The following ARHGAP22 variants were observed in gnomAD, a reference collection of about 807,000 sequenced individuals.
ARHGAP22 encodes Rho GTPase activating protein 22, also known as rho GTPase-activating protein 22.
In ARHGAP22, 48 loss-of-function variants were observed where a neutral mutation model predicts 59.1. The ratio of observed to expected loss-of-function variants is 0.81; its 90% CI spans 0.64 to 1.03. The LOEUF (loss-of-function observed/expected upper bound fraction) is 1.03, where lower values mean the gene tolerates loss of function less well. Ranked by LOEUF, ARHGAP22 falls within the 50% of genes least tolerant of loss-of-function variation. The pLI, the probability that ARHGAP22 is intolerant of heterozygous loss-of-function variation, is 0.00. For synonymous variants in ARHGAP22, 445 were observed against 416.4 expected (o/e 1.07, Z -0.84); for missense variants, 1,015 against 958.7 (o/e 1.06, Z -0.78).
rs2045763327 is a variant in ARHGAP22 at position 48,450,189 on chromosome 10, C to A, written c.1868+72G>T. On this transcript the variant is annotated intron_variant, in intron 9 of 9. Transcript: ENST00000249601. Reference sequence around the variant, plus strand: ...GGCCCAGAGGTTAGGGGCCGACGCCCATGTGCCAAGAGCACGGCTCTCCCT... The same window carrying A: ...GGCCCAGAGGTTAGGGGCCGACGCCAATGTGCCAAGAGCACGGCTCTCCCT... The A allele has an allele frequency of 5.2e-6, 8 of 1,549,644 alleles. 1 individual carries two copies. Among genetic ancestry groups the A allele is most frequent in the Non-Finnish European group, 6.1e-6 (7 of 1,147,130 alleles).
intron 3 of ARHGAP22, among the ~76,000 whole-genome samples, chr10:48,542,974 A>C (rs1196186129): frequency 6.6e-6 from 1 of 152,162 alleles, no homozygotes; most frequent in Non-Finnish European, 1.5e-5. Flanking sequence ...GCCCATTTTC[A>C]GTACACCCTC....
rs117374324 is a variant in ARHGAP22 at position 48,617,884 on chromosome 10, A to C, written c.52+34350T>G. Among the ~76,000 whole-genome samples, 1,275 of 152,108 alleles carry C rather than the reference A, an allele frequency of 8.4e-3. 8 individuals are homozygous for C. The highest frequency in any genetic ancestry group is 0.013 in the Admixed American group (197 of 15,288). On this transcript the variant is annotated intron_variant, in intron 1 of 9. Transcript: ENST00000435790. ...ACTGAGGCAAAAATACAAAATATCA[A>C]CAAAATGAAAAGTTGGTTTTTTGAA...
At chr10:48,640,730 T>G (rs1205723534) in intron 1 of ARHGAP22, among the ~76,000 whole-genome samples, 1 of 152,232 alleles carries the variant, frequency 6.6e-6, no homozygotes, top group East Asian at 1.9e-4. Flanking sequence ...AAAGGAAATT[T>G]TTTAAGCTGA....
At chr10:48,589,410 T>G (rs1369105933) in intron 1 of ARHGAP22, among the ~76,000 whole-genome samples, 2 of 152,138 alleles carry the variant, frequency 1.3e-5, no homozygotes, top group South Asian at 4.1e-4. Context: ...TGTCTCTATT[T>G]CATTATGAAT....
intron 1 of ARHGAP22, among the ~76,000 whole-genome samples, chr10:48,648,359 C>T (rs1041574985): frequency 2.0e-5 from 3 of 152,144 alleles, no homozygotes; most frequent in African/African-American, 7.2e-5. Flanking sequence ...TCCTGGGCCC[C>T]TTGCAGTTGA....
chr10:48,490,811 T>C (rs7085609), intron 3 of ARHGAP22, among the ~76,000 whole-genome samples: 143,835 of 152,236 alleles, frequency 0.94, 68,507 homozygotes, highest in East Asian at 1. Context: ...TGCGGGAAGT[T>C]CACCTCCCAT....
chr10:48,602,254 A>C (rs1454447896), intron 1 of ARHGAP22, among the ~76,000 whole-genome samples: 5 of 152,190 alleles, frequency 3.3e-5, no homozygotes. Flanking sequence ...CCAGGCTCTG[A>C]ACATTCATCA....
downstream of ARHGAP22, chr10:48,445,732 A>T (rs1001550717): frequency 6.5e-6 from 1 of 153,756 alleles, no homozygotes; most frequent in Non-Finnish European, 1.4e-5. Context: ...GCCCTGGAGC[A>T]GAGCTAGGGC....
chr10:48,592,721 G>T (rs2059836842), intron 1 of ARHGAP22, among the ~76,000 whole-genome samples: 2 of 152,132 alleles, frequency 1.3e-5, no homozygotes, highest in Non-Finnish European at 2.9e-5. Context: ...CATGTCCAAA[G>T]CAGAACTCCT....
At chr10:48,443,253 T>G (rs922408271), downstream of ARHGAP22, among the ~76,000 whole-genome samples, 4 of 152,156 alleles carry the variant, frequency 2.6e-5, no homozygotes, top group Non-Finnish European at 5.9e-5. Flanking sequence ...CTCTTTCCCC[T>G]TCCATTATCA....
At chr10:48,521,815 AG>A (rs1429487951) in intron 3 of ARHGAP22, among the ~76,000 whole-genome samples, 2 of 152,226 alleles carry the variant, frequency 1.3e-5, no homozygotes, top group African/African-American at 4.8e-5. Context: ...TATGAAAAGA[AG>A]GTTCCCTAGG....
intron 3 of ARHGAP22, among the ~76,000 whole-genome samples, chr10:48,489,825 C>T (rs2050202364): frequency 6.6e-6 from 1 of 151,566 alleles, no homozygotes; most frequent in South Asian, 2.1e-4. Flanking sequence ...GCTCCGCCTC[C>T]TAGGTTCACG....
intron 2 of ARHGAP22, among the ~76,000 whole-genome samples, chr10:48,564,078 T>C (rs1028861521): frequency 6.6e-6 from 1 of 152,346 alleles, no homozygotes; most frequent in South Asian, 2.1e-4. Context: ...ACACTTTTGA[T>C]ACATAATTTG....
chr10:48,486,466 G>A (rs1410579989), intron 3 of ARHGAP22, among the ~76,000 whole-genome samples: 1 of 151,916 alleles, frequency 6.6e-6, no homozygotes, highest in Non-Finnish European at 1.5e-5. Flanking sequence ...TCAGCCTCTT[G>A]AGTAGCTGGG....
chr10:48,598,251 G>T (rs929199465), intron 1 of ARHGAP22, among the ~76,000 whole-genome samples: 5 of 152,182 alleles, frequency 3.3e-5, no homozygotes, highest in Admixed American at 3.3e-4. Context: ...GGGGGAAGAG[G>T]CTTGAGTTTG....
At chr10:48,648,796 T>C (rs557265920) in intron 1 of ARHGAP22, among the ~76,000 whole-genome samples, 2 of 152,192 alleles carry the variant, frequency 1.3e-5, no homozygotes, top group South Asian at 4.1e-4. Context: ...GTGGGGTGCT[T>C]GGCAGCAGAT....
In ARHGAP22 at chr10:48,604,944, C is replaced by T. The variant is rs2060601104; in HGVS notation, c.-148G>A. The T allele has an allele frequency of 6.5e-7, 1 of 1,536,954 alleles. No homozygotes were observed. Among genetic ancestry groups the T allele is most frequent in the Non-Finnish European group, 8.7e-7 (1 of 1,144,792 alleles). ...GTCACCCGTCAGGCTCCCTCGGCTA[C>T]CTCTCCTGGCTCCGGACGGACGGCT... On this transcript the variant is annotated 5_prime_UTR_variant, in exon 1 of 10. Transcript: ENST00000249601.
chr10:48,651,430 A>G (rs1392917045), intron 1 of ARHGAP22, among the ~76,000 whole-genome samples: 2 of 151,798 alleles, frequency 1.3e-5, no homozygotes, highest in Non-Finnish European at 2.9e-5. Context: ...CCCAGCCAGC[A>G]CCTGCACAAT....
intron 1 of ARHGAP22, among the ~76,000 whole-genome samples, chr10:48,594,671 C>T (rs188315401): frequency 1.1e-4 from 17 of 152,266 alleles, no homozygotes; most frequent in Admixed American, 9.8e-4. Context: ...GCCTGTTTTG[C>T]CCATGTACTG....
Sources: allele counts gnomAD v4.1 joint callset (sites outside exome capture counted in the v4.1 genomes callset), GRCh38; gene constraint gnomAD v4.1.1; transcripts MANE v1.5; gene names NCBI Gene and HGNC (gene_info 2026-07-23, HGNC 2026-07-21).